The following SOX6 variants were observed in gnomAD, a reference collection of about 807,000 sequenced individuals.
SOX6 encodes SRY-box transcription factor 6.
In SOX6, 11 loss-of-function variants were observed where a neutral mutation model predicts 97.8. That is an observed-to-expected ratio of 0.11 (90% CI 0.07 to 0.19). The LOEUF (loss-of-function observed/expected upper bound fraction) is 0.19. SOX6 is among the 10% of genes least tolerant of loss of function. The pLI, the probability that SOX6 is intolerant of heterozygous loss-of-function variation, is 1.00. For missense variants in SOX6, 810 were observed against 1,039.5 expected (o/e 0.78, Z 3.04); for synonymous variants, 360 against 371.4 (o/e 0.97, Z 0.35).
At chr11:16,024,342 C>T (rs540739945) in intron 12 of SOX6, among the ~76,000 whole-genome samples, 1 of 152,172 alleles carries the variant, frequency 6.6e-6, no homozygotes, top group East Asian at 1.9e-4. Flanking sequence ...AATACAATGG[C>T]AGCTTCTACC....
intron 4 of SOX6, among the ~76,000 whole-genome samples, chr11:16,583,276 A>G (rs1401261440): frequency 6.6e-6 from 1 of 152,002 alleles, no homozygotes; most frequent in Non-Finnish European, 1.5e-5. Flanking sequence ...AAGATTTACC[A>G]TTTGTTTTGG....
At chr11:16,655,649 A>C (rs2134016364) in intron 3 of SOX6, among the ~76,000 whole-genome samples, 1 of 152,190 alleles carries the variant, frequency 6.6e-6, no homozygotes, top group Admixed American at 6.5e-5. Context: ...CTTTTTCAAA[A>C]TTTTCTTCAT....
At chr11:16,668,131 T>A (rs1852837919) in intron 3 of SOX6, among the ~76,000 whole-genome samples, 1 of 152,160 alleles carries the variant, frequency 6.6e-6, no homozygotes, top group Admixed American at 6.6e-5. Flanking sequence ...CCCAGAACTT[T>A]GGGAGGTCAA....
intron 6 of SOX6, among the ~76,000 whole-genome samples, chr11:16,140,014 T>C (rs189467185): frequency 6.6e-6 from 1 of 150,406 alleles, no homozygotes; most frequent in Non-Finnish European, 1.5e-5. Context: ...AATAAGTATA[T>C]GTGTGTGTGT....
chr11:16,685,906 TGC>T (rs1472775404), intron 3 of SOX6, among the ~76,000 whole-genome samples: 1 of 152,266 alleles, frequency 6.6e-6, no homozygotes, highest in Admixed American at 6.5e-5. Flanking sequence ...TCTTGCACTC[TGC>T]GTGCTGACAG....
intron 12 of SOX6, 104 bp from the exon 13 acceptor site, chr11:16,015,154 T>C (rs1345675247): frequency 5.1e-6 from 5 of 972,000 alleles, no homozygotes; most frequent in South Asian, 1.4e-5. Context: ...TTCAAAAATA[T>C]CATTTCTGAC....
At chr11:16,338,836 A>G (rs1856543887) in intron 2 of SOX6, among the ~76,000 whole-genome samples, 1 of 152,094 alleles carries the variant, frequency 6.6e-6, no homozygotes, top group Non-Finnish European at 1.5e-5. Flanking sequence ...AATTATTAAT[A>G]TATTTTTAAG....
intron 3 of SOX6, among the ~76,000 whole-genome samples, chr11:16,661,643 A>T (rs1847766961): frequency 1.3e-5 from 2 of 152,022 alleles, no homozygotes; most frequent in South Asian, 4.2e-4. Flanking sequence ...AAACTCCTAG[A>T]CTCAAGCAAT....
At chr11:16,049,629 G>T in intron 11 of SOX6, 126 bp downstream of exon 11, 2 of 1,108,966 alleles carry the variant, frequency 1.8e-6, no homozygotes, top group Non-Finnish European at 2.6e-6. Flanking sequence ...TGTTTCAGTA[G>T]AAAAGATAAG....
intron 4 of SOX6, among the ~76,000 whole-genome samples, chr11:16,606,542 T>G (rs1410900429): frequency 6.6e-6 from 1 of 152,164 alleles, no homozygotes; most frequent in African/African-American, 2.4e-5. Context: ...AATACCTACC[T>G]CGAACTTCAC....
intron 4 of SOX6, among the ~76,000 whole-genome samples, chr11:16,493,877 A>G (rs904952821): frequency 6.6e-6 from 1 of 152,218 alleles, no homozygotes; most frequent in Non-Finnish European, 1.5e-5. Flanking sequence ...TTTAAATTGA[A>G]TATAAGCTTT....
chr11:15,990,233 G>T (rs1303008332), intron 13 of SOX6, among the ~76,000 whole-genome samples: 1 of 151,518 alleles, frequency 6.6e-6, no homozygotes, highest in Non-Finnish European at 1.5e-5. Flanking sequence ...GTATCCTCAG[G>T]ATTTTTCACA....
At chr11:16,344,104 T>C (rs1856713242) in intron 1 of SOX6, among the ~76,000 whole-genome samples, 1 of 151,936 alleles carries the variant, frequency 6.6e-6, no homozygotes, top group Non-Finnish European at 1.5e-5. Flanking sequence ...TAATTTCTTG[T>C]TTTTACTTTA....
chr11:16,055,812 C>T lies in SOX6; in HGVS notation c.1191G>A (p.Thr397=), dbSNP rs139974161. 22 of 1,613,752 alleles carry T rather than the reference C, an allele frequency of 1.4e-5. No homozygotes were observed. In the African/African-American group the frequency reaches 1.9e-4, roughly 14 times the overall value. The change falls in exon 10 of 16, where the codon ACG becomes ACA. Residue 397 remains threonine (T), a synonymous_variant. Coordinates refer to ENST00000683767, the MANE Select transcript of SOX6 (RefSeq NM_001367873.1). ...STPQPPNTAG[T]VSPTGIKNEK... is the part of the protein sequence containing the mutation. ...CATTTTTTATCCCAGTAGGTGAGAC[C>T]GTCCCTGCTGTGTTTGGTGGCTGTG...
chr11:16,250,595 T>C (rs1853480478), intron 3 of SOX6, among the ~76,000 whole-genome samples: 1 of 152,030 alleles, frequency 6.6e-6, no homozygotes, highest in Non-Finnish European at 1.5e-5. Context: ...ATCAGATAAT[T>C]AATATTCTAA....
At chr11:16,065,728 C>T (rs1848079194) in intron 9 of SOX6, among the ~76,000 whole-genome samples, 1 of 152,006 alleles carries the variant, frequency 6.6e-6, no homozygotes, top group African/African-American at 2.4e-5. Flanking sequence ...GAAACTAGAC[C>T]CCATCACTAG....
chr11:16,589,694 G>A (rs1004532014), intron 4 of SOX6, among the ~76,000 whole-genome samples: 11 of 152,136 alleles, frequency 7.2e-5, no homozygotes, highest in Middle Eastern at 3.4e-3. Context: ...ATTTGAGATA[G>A]AGATTTATAT....
At chr11:16,413,091 A>C (rs1503448) in intron 1 of SOX6, among the ~76,000 whole-genome samples, 59,292 of 152,074 alleles carry the variant, frequency 0.39, 11,627 homozygotes, top group East Asian at 0.52. Flanking sequence ...TAATTATTAC[A>C]GTGAGGTAAC....
chr11:16,206,994 C>T (rs763660977), intron 4 of SOX6, among the ~76,000 whole-genome samples: 4 of 152,070 alleles, frequency 2.6e-5, no homozygotes, highest in African/African-American at 4.8e-5. Context: ...TTGCCCATCT[C>T]GCCTCATCTA....
Sources: allele counts gnomAD v4.1 joint callset (sites outside exome capture counted in the v4.1 genomes callset), GRCh38; gene constraint gnomAD v4.1.1; transcripts MANE v1.5; gene names NCBI Gene and HGNC (gene_info 2026-07-23, HGNC 2026-07-21).